PRKCE: variants seen among roughly 807,000 people sequenced by gnomAD.
PRKCE encodes protein kinase C epsilon type.
PRKCE carries 16 observed loss-of-function variants against 85.4 expected under a neutral mutation model. The observed-to-expected ratio is 0.19, with a 90% confidence interval of 0.13 to 0.28. The LOEUF is 0.28. Among genes scored for constraint, PRKCE ranks in the 10% least tolerant of loss-of-function variants. The pLI, the probability that PRKCE is intolerant of heterozygous loss-of-function variation, is 1.00. For synonymous variants in PRKCE, 388 were observed against 371.5 expected (o/e 1.04, Z -0.51); for missense variants, 573 against 975.2 (o/e 0.59, Z 5.49).
chr2:46,050,266 G>A (rs1158353263), intron 10 of PRKCE, among the ~76,000 whole-genome samples: 2 of 152,254 alleles, frequency 1.3e-5, no homozygotes, highest in Non-Finnish European at 2.9e-5. Flanking sequence ...CCTTTGTGAT[G>A]GTAGAGTTTA....
chr2:45,952,156 G>T (rs1055745902), intron 2 of PRKCE, among the ~76,000 whole-genome samples: 2 of 152,190 alleles, frequency 1.3e-5, no homozygotes, highest in African/African-American at 4.8e-5. Flanking sequence ...AAAAGAGCCT[G>T]ACTCCTAGAA....
rs370481086 is a variant in PRKCE at position 45,971,749 on chromosome 2, C to G, written c.413-4680C>G. 9.5e-4 allele frequency among the ~76,000 whole-genome samples: 145 copies of G among 152,354 alleles called. 2 individuals carry two copies. The highest frequency in any genetic ancestry group is 3.2e-3 in the African/African-American group (135 of 41,582). ...TCACCTGTAATTCCACCAGTGTCAACGAATGACCAATGTTAATGTTTTCTA... is the reference window on the plus strand; with the variant it reads ...TCACCTGTAATTCCACCAGTGTCAAGGAATGACCAATGTTAATGTTTTCTA... On this transcript the variant is annotated intron_variant, in intron 2 of 14. Transcript: ENST00000306156.
chr2:46,057,780 G>A (rs899257266), intron 10 of PRKCE, among the ~76,000 whole-genome samples: 6 of 151,966 alleles, frequency 3.9e-5, no homozygotes, highest in Non-Finnish European at 7.4e-5. Flanking sequence ...GCATTCAGGC[G>A]TCAGTTTGTT....
In PRKCE at chr2:45,850,050, A is replaced by G. The variant is rs190712117; in HGVS notation, c.412+6987A>G. ...CCAAGAAACCCTCATTTCCTTCCAA[A>G]TAGCCTCTAGATGCACAGCAGTGCC... On this transcript the variant is annotated intron_variant, in intron 2 of 14. Transcript: ENST00000306156. Among the ~76,000 whole-genome samples, 66 of 152,312 alleles carry G rather than the reference A, an allele frequency of 4.3e-4. 1 individual carries two copies. The highest frequency in any genetic ancestry group is 1.5e-4 in the Non-Finnish European group (10 of 68,026).
chr2:45,972,637 G>A (rs1702182767), intron 2 of PRKCE, among the ~76,000 whole-genome samples: 1 of 152,156 alleles, frequency 6.6e-6, no homozygotes, highest in Admixed American at 6.5e-5. Flanking sequence ...GTTGATTTTT[G>A]TGTATGGTAA....
intron 11 of PRKCE, among the ~76,000 whole-genome samples, chr2:46,132,262 G>C (rs1674536329): frequency 6.6e-6 from 1 of 152,088 alleles, no homozygotes; most frequent in Non-Finnish European, 1.5e-5. Context: ...TTCTTCTCTT[G>C]TCACACTGTA....
At position 46,172,695 on chromosome 2, in the gene PRKCE, G is replaced by A. The variant is rs558105352; in HGVS notation, c.2068-12040G>A. ...ATACACAGTCTACATCCGGGGGAGT[G>A]TTCTCAGCCATTTTTACATGAGACA... On this transcript the variant is annotated intron_variant, in intron 14 of 14. Coordinates refer to ENST00000306156, the MANE Select transcript of PRKCE (RefSeq NM_005400.3). Among the ~76,000 whole-genome samples, 179 of 152,312 alleles carry A rather than the reference G, an allele frequency of 1.2e-3. 2 individuals are homozygous for A. The Middle Eastern group carries it at 0.02, about 17-fold the overall frequency.
At chr2:45,820,293 CA>C (rs1689425180) in intron 1 of PRKCE, among the ~76,000 whole-genome samples, 1 of 152,042 alleles carries the variant, frequency 6.6e-6, no homozygotes, top group Non-Finnish European at 1.5e-5. Context: ...GGGTAATCTC[CA>C]GGGACCAGCA....
At chr2:45,893,609 G>A (rs559837340) in intron 2 of PRKCE, among the ~76,000 whole-genome samples, 1 of 151,956 alleles carries the variant, frequency 6.6e-6, no homozygotes, top group East Asian at 2.0e-4. Context: ...CAATCCGCCC[G>A]CCTCAGCCTC....
chr2:45,813,134 G>A (rs1463564712), intron 1 of PRKCE, among the ~76,000 whole-genome samples: 2 of 152,112 alleles, frequency 1.3e-5, no homozygotes, highest in East Asian at 3.9e-4. Flanking sequence ...AAAACTGCAG[G>A]GAATTCTGCA....
intron 2 of PRKCE, among the ~76,000 whole-genome samples, chr2:45,927,737 G>C (rs768989401): frequency 4.6e-5 from 7 of 152,176 alleles, no homozygotes; most frequent in Non-Finnish European, 1.0e-4. Context: ...TTGAATATTT[G>C]TTTTCCCATT....
At chr2:45,955,170 C>G (rs1456340111) in intron 2 of PRKCE, among the ~76,000 whole-genome samples, 1 of 152,038 alleles carries the variant, frequency 6.6e-6, no homozygotes, top group Non-Finnish European at 1.5e-5. Context: ...TATGGTAGTT[C>G]AAAGAAGAAA....
chr2:45,893,249 T>G (rs1343355866), intron 2 of PRKCE, among the ~76,000 whole-genome samples: 3 of 152,014 alleles, frequency 2.0e-5, no homozygotes, highest in Non-Finnish European at 2.9e-5. Flanking sequence ...CCTGTGAAAA[T>G]GACTGCAGTC....
At chr2:45,769,501 G>A (rs971368284) in intron 1 of PRKCE, among the ~76,000 whole-genome samples, 1 of 152,174 alleles carries the variant, frequency 6.6e-6, no homozygotes, top group Admixed American at 6.5e-5. Flanking sequence ...CGAGTAGTTT[G>A]AGTAACATGG....
intron 11 of PRKCE, among the ~76,000 whole-genome samples, chr2:46,094,187 C>T (rs1234224475): frequency 6.6e-6 from 1 of 152,174 alleles, no homozygotes; most frequent in African/African-American, 2.4e-5. Context: ...TGCTGCAAAG[C>T]TGTCACCCTG....
rs140335184 is a variant in PRKCE at position 46,082,269 on chromosome 2, T to C, written c.1438-3939T>C. On this transcript the variant is annotated intron_variant, in intron 10 of 14. Coordinates refer to ENST00000306156, the MANE Select transcript of PRKCE (RefSeq NM_005400.3). ...ATGATAGTTGCTTGGGCCATAATGG[T>C]GGGCATGATGGTGGTAGAGAGAGAG... Among the ~76,000 whole-genome samples, 477 of 151,854 alleles carry C rather than the reference T, an allele frequency of 3.1e-3. 10 individuals are homozygous for C. The highest frequency in any genetic ancestry group is 0.018 in the Admixed American group (273 of 15,264).
chr2:46,044,611 G>A (rs990801965), intron 10 of PRKCE, among the ~76,000 whole-genome samples: 1 of 152,160 alleles, frequency 6.6e-6, no homozygotes, highest in Non-Finnish European at 1.5e-5. Context: ...TAGGATTTAT[G>A]TCTTTTAGCA....
chr2:46,025,186 T>G (rs1308835788), intron 10 of PRKCE, among the ~76,000 whole-genome samples: 1 of 152,194 alleles, frequency 6.6e-6, no homozygotes, highest in Non-Finnish European at 1.5e-5. Context: ...CAAGATCCAT[T>G]TGGATTGCCA....
intron 1 of PRKCE, among the ~76,000 whole-genome samples, chr2:45,839,444 T>C (rs1386917204): frequency 1.3e-5 from 2 of 152,138 alleles, no homozygotes; most frequent in African/African-American, 2.4e-5. Flanking sequence ...TGTGTTAAGT[T>C]GGGATATGAG....
Sources: allele counts gnomAD v4.1 joint callset (sites outside exome capture counted in the v4.1 genomes callset), GRCh38; gene constraint gnomAD v4.1.1; transcripts MANE v1.5; gene names NCBI Gene and HGNC (gene_info 2026-07-23, HGNC 2026-07-21).